Variants in CTBP2 observed in about 807,000 individuals in gnomAD.
CTBP2 encodes C-terminal-binding protein 2.
A neutral mutation model predicts 80.3 loss-of-function variants in CTBP2; 30 were observed. The ratio of observed to expected loss-of-function variants is 0.37; its 90% CI spans 0.28 to 0.51. The LOEUF (loss-of-function observed/expected upper bound fraction) is 0.51. CTBP2 is among the 20% of genes least tolerant of loss of function. The pLI is 0.93. For synonymous variants in CTBP2, 594 were observed against 587.4 expected (o/e 1.01, Z -0.16); for missense variants, 1,212 against 1,375.3 (o/e 0.88, Z 1.88).
chr10:125,071,791 G>A (rs1812423534), intron 2 of CTBP2, among the ~76,000 whole-genome samples: 1 of 150,936 alleles, frequency 6.6e-6, no homozygotes, highest in African/African-American at 2.4e-5. Context: ...CGTGAAATGC[G>A]TACCACCACC....
chr10:125,082,516 C>T (rs1259979993), intron 2 of CTBP2, among the ~76,000 whole-genome samples: 2 of 152,080 alleles, frequency 1.3e-5, no homozygotes, highest in Admixed American at 1.3e-4. Flanking sequence ...TTTTACTCCC[C>T]CATGAGGAGA....
At chr10:125,071,494 T>C (rs1424975997) in intron 2 of CTBP2, among the ~76,000 whole-genome samples, 1 of 152,206 alleles carries the variant, frequency 6.6e-6, no homozygotes, top group Non-Finnish European at 1.5e-5. Flanking sequence ...GAGTTCCAAC[T>C]GCTGGAACAA....
intron 8 of CTBP2, among the ~76,000 whole-genome samples, chr10:124,992,325 C>CTG (rs1952778820): frequency 1.3e-5 from 2 of 150,600 alleles, no homozygotes; most frequent in Admixed American, 1.3e-4. Context: ...ATCTCCACCT[C>CTG]CCAGCTTCAA....
intron 5 of CTBP2, 116 bp from the exon 8 acceptor site, chr10:124,994,101 T>C: frequency 7.2e-7 from 1 of 1,396,670 alleles, no homozygotes; most frequent in Non-Finnish European, 9.8e-7. Context: ...GTTTAATGTG[T>C]GTGCTGCAGT....
At position 125,027,865 on chromosome 10, in the gene CTBP2, C is replaced by A. The variant is rs967826800; in HGVS notation, c.-106G>T. On this transcript the variant is annotated 5_prime_UTR_variant, in exon 1 of 9. Coordinates refer to ENST00000309035, the MANE Select transcript of CTBP2 (RefSeq NM_022802.3). ...TGGCTGTGTGCTAACCCTTCCGAGA[C>A]GGCAGGGACAACCAACTGGGGGTTT... 2.7e-5 allele frequency: 38 copies of A among 1,428,494 alleles called. No homozygotes were observed. The highest frequency in any genetic ancestry group is 3.2e-5 in the Non-Finnish European group (35 of 1,095,030). 88.5% of individuals were successfully genotyped at this position (1,428,494 alleles called of 1,614,324 possible).
At position 124,989,178 on chromosome 10, in the gene CTBP2, A is replaced by G. The variant is rs1952246312; in HGVS notation, c.*340T>C. Reference sequence around the variant, plus strand: ...TTTTGTTGTTTGAACTCTTGATGCAACATTGTAGAGCAGGGTGTTCAGGAC... The same window carrying G: ...TTTTGTTGTTTGAACTCTTGATGCAGCATTGTAGAGCAGGGTGTTCAGGAC... On this transcript the variant is annotated 3_prime_UTR_variant, in exon 9 of 9. Transcript: ENST00000309035. The G allele has an allele frequency of 7.5e-6, 2 of 265,162 alleles. No homozygotes were observed. The highest frequency in any genetic ancestry group is 3.9e-5 in the South Asian group (1 of 25,764). 16.4% of individuals were successfully genotyped at this position (265,162 alleles called of 1,614,324 possible). A position where few individuals can be genotyped will look rare whatever the true frequency, so the allele number is the denominator to read the frequency against.
intron 2 of CTBP2, among the ~76,000 whole-genome samples, chr10:125,097,963 C>G (rs1026048785): frequency 2.6e-5 from 4 of 152,140 alleles, no homozygotes; most frequent in African/African-American, 9.7e-5. Flanking sequence ...AACCCCATCT[C>G]TACTAAAAGT....
At chr10:125,111,022 A>G (rs1852211114) in exon 2 of CTBP2, 1 of 152,682 alleles carries the variant, frequency 6.5e-6, no homozygotes, top group Admixed American at 6.5e-5. Flanking sequence ...TCTATAGTTC[A>G]CACGATGGGC....
intron 1 of CTBP2, chr10:125,159,823 C>T (rs1591175319): frequency 6.6e-6 from 1 of 151,158 alleles, no homozygotes; most frequent in East Asian, 2.0e-4. Context: ...CGCGCTCGGC[C>T]TGGGTCGCCG....
intron 8 of CTBP2, among the ~76,000 whole-genome samples, chr10:124,991,181 G>A (rs755634401): frequency 1.3e-5 from 2 of 152,192 alleles, no homozygotes; most frequent in Non-Finnish European, 2.9e-5. Context: ...GGGCAAAGTG[G>A]GACTCAGTGT....
exon 1 of CTBP2, chr10:125,160,469 G>C (rs1291055238): frequency 6.7e-6 from 1 of 150,064 alleles, no homozygotes; most frequent in Non-Finnish European, 1.5e-5. Flanking sequence ...TCCCGGTTCG[G>C]TCCCTCGCTC....
chr10:125,115,935 C>T (rs1363721691), intron 1 of CTBP2, among the ~76,000 whole-genome samples: 1 of 152,168 alleles, frequency 6.6e-6, no homozygotes, highest in African/African-American at 2.4e-5. Flanking sequence ...CTATACTCCA[C>T]ACCCCTGCCC....
At chr10:125,086,260 G>A (rs970954268) in intron 2 of CTBP2, among the ~76,000 whole-genome samples, 5 of 152,120 alleles carry the variant, frequency 3.3e-5, no homozygotes, top group Non-Finnish European at 7.4e-5. Flanking sequence ...GCCAAGGCTC[G>A]GTGGCTAATG....
intron 2 of CTBP2, among the ~76,000 whole-genome samples, chr10:125,106,422 G>A (rs1334773475): frequency 1.3e-5 from 2 of 152,216 alleles, no homozygotes; most frequent in African/African-American, 4.8e-5. Context: ...GGCGACCTGA[G>A]TTTGGGGTTG....
intron 1 of CTBP2, among the ~76,000 whole-genome samples, chr10:125,112,490 G>A (rs1376507855): frequency 4.0e-5 from 6 of 148,604 alleles, no homozygotes; most frequent in Non-Finnish European, 8.9e-5. Context: ...GTGCAATGGC[G>A]CCGTCTCGGC....
intron 2 of CTBP2, among the ~76,000 whole-genome samples, chr10:125,108,444 T>C (rs1164259261): frequency 1.3e-5 from 2 of 152,228 alleles, no homozygotes; most frequent in Admixed American, 1.3e-4. Flanking sequence ...GCCCACATTT[T>C]AAAAGATGTG....
upstream of CTBP2, among the ~76,000 whole-genome samples, chr10:125,161,389 C>T (rs1364800180): frequency 2.0e-5 from 3 of 152,038 alleles, no homozygotes; most frequent in Non-Finnish European, 4.4e-5. Context: ...CGTGGGGTAC[C>T]GGGCAGCCGG....
At chr10:125,002,761 C>CCA (rs1236862701) in intron 3 of CTBP2, among the ~76,000 whole-genome samples, 199 bp downstream of exon 5, 2 of 152,206 alleles carry the variant, frequency 1.3e-5, no homozygotes, top group African/African-American at 4.8e-5. Context: ...CACACAAGGG[C>CCA]CAGCAGGGAC....
chr10:125,067,694 C>G (rs981922122), intron 2 of CTBP2, among the ~76,000 whole-genome samples: 2 of 152,236 alleles, frequency 1.3e-5, no homozygotes, highest in Non-Finnish European at 1.5e-5. Flanking sequence ...AACCCTCATT[C>G]TCTTTCTCTC....
Sources: allele counts gnomAD v4.1 joint callset (sites outside exome capture counted in the v4.1 genomes callset), GRCh38; gene constraint gnomAD v4.1.1; transcripts MANE v1.5; gene names NCBI Gene and HGNC (gene_info 2026-07-23, HGNC 2026-07-21).